Variants in NRG1 observed in about 807,000 individuals in gnomAD.
NRG1 encodes pro-neuregulin-1, membrane-bound isoform.
Under a neutral mutation model 63.8 loss-of-function variants are expected in NRG1, and 18 were observed. The observed-to-expected ratio is 0.28, with a 90% confidence interval of 0.19 to 0.42. The LOEUF is 0.42. Ranked by LOEUF, NRG1 falls within the 10% of genes least tolerant of loss-of-function variation. The probability of loss-of-function intolerance (pLI) is 1.00; values close to 1 mark genes in which losing one functional copy is unlikely to be tolerated. For synonymous variants in NRG1, 302 were observed against 301.3 expected, an observed-to-expected ratio of 1.00 and a Z score of -0.02; for missense variants, 762 against 814.7, an observed-to-expected ratio of 0.94 and a Z score of 0.79.
intron 1 of NRG1, among the ~76,000 whole-genome samples, chr8:32,481,204 A>G (rs1204465234): frequency 6.6e-6 from 1 of 151,802 alleles, no homozygotes; most frequent in Non-Finnish European, 1.5e-5. Flanking sequence ...TTAGCTGGGT[A>G]TGTGGGGGGT....
intron 1 of NRG1, among the ~76,000 whole-genome samples, chr8:31,725,705 T>G (rs2131328073): frequency 6.6e-6 from 1 of 152,302 alleles, no homozygotes; most frequent in South Asian, 2.1e-4. Flanking sequence ...CATTTTAAGT[T>G]TTTTCTTTTG....
At chr8:32,262,922 C>A (rs1036671404) in intron 1 of NRG1, among the ~76,000 whole-genome samples, 5 of 152,096 alleles carry the variant, frequency 3.3e-5, no homozygotes, top group African/African-American at 1.2e-4. Context: ...TCATACCATC[C>A]CTTTATCTAA....
rs534189440 is a variant in NRG1 at position 32,482,552 on chromosome 8, T to C, written c.38-113276T>C. Among the ~76,000 whole-genome samples, 6 of 152,294 alleles carry C rather than the reference T, an allele frequency of 3.9e-5. No individual in the cohort carries two copies. In the South Asian group the frequency reaches 1.2e-3, roughly 32 times the overall value. ...ATCCAGGCTGGGATCTCAGTATCCC[T>C]GCTTCCCTGAAGCTGTCCAACCTCA... On this transcript the variant is annotated intron_variant, in intron 1 of 10. Coordinates refer to the NRG1 transcript ENST00000519301.
intron 1 of NRG1, among the ~76,000 whole-genome samples, chr8:31,949,147 G>A (rs402169): frequency 0.9 from 137,457 of 152,260 alleles, 62,887 homozygotes; most frequent in African/African-American, 0.98. Flanking sequence ...AGTAGTTACT[G>A]TGTCAGGCAG....
At chr8:32,029,310 A>T (rs918852559) in intron 1 of NRG1, 3 of 152,176 alleles carry the variant, frequency 2.0e-5, no homozygotes, top group Non-Finnish European at 4.4e-5. Context: ...ATATATTCTT[A>T]TTATAAAAAG....
At chr8:31,832,469 G>C (rs1348931257) in intron 1 of NRG1, among the ~76,000 whole-genome samples, 1 of 152,006 alleles carries the variant, frequency 6.6e-6, no homozygotes, top group Non-Finnish European at 1.5e-5. Flanking sequence ...ATGTTGTCCA[G>C]GCTGGTCTCA....
At chr8:32,562,059 A>G (rs1447106461) in intron 1 of NRG1, among the ~76,000 whole-genome samples, 1 of 152,166 alleles carries the variant, frequency 6.6e-6, no homozygotes, top group Non-Finnish European at 1.5e-5. Flanking sequence ...TACAGATTAT[A>G]GCAGGGAGGA....
At chr8:32,040,776 A>ATAT (rs1819900674) in intron 1 of NRG1, among the ~76,000 whole-genome samples, 1 of 11,702 alleles carries the variant, frequency 8.5e-5, no homozygotes, top group Admixed American at 1.3e-3. Flanking sequence ...TATGCGCCTA[A>ATAT]ATTTCAGCAC....
rs111665734 is a variant in NRG1, at chr8:31,888,493, A to G, written c.37+249062A>G. Among the ~76,000 whole-genome samples the G allele has an allele frequency of 5.4e-3, 826 of 152,196 alleles. 5 individuals are homozygous for G. Among genetic ancestry groups the G allele is most frequent in the African/African-American group, 0.019 (769 of 41,540 alleles). ...TATGTTTCTGAGAGAGCAGTGATGC[A>G]TTTCACAACACTGTTAACTGTCTGC... is the stretch of plus-strand genomic sequence containing the variant. On this transcript the variant is annotated intron_variant, in intron 1 of 10. Coordinates refer to the NRG1 transcript ENST00000519301.
intron 1 of NRG1, among the ~76,000 whole-genome samples, chr8:32,278,642 A>G (rs1365966709): frequency 6.6e-6 from 1 of 152,204 alleles, no homozygotes; most frequent in Non-Finnish European, 1.5e-5. Context: ...GAAGAGTCCT[A>G]TGTATGGACA....
intron 1 of NRG1, among the ~76,000 whole-genome samples, chr8:31,734,895 C>T (rs1160232009): frequency 1.3e-5 from 2 of 152,160 alleles, no homozygotes; most frequent in Non-Finnish European, 2.9e-5. Context: ...CTCTTTCCTG[C>T]TTCCAGCCAT....
At chr8:32,441,930 G>A (rs1219741360) in intron 1 of NRG1, among the ~76,000 whole-genome samples, 1 of 152,090 alleles carries the variant, frequency 6.6e-6, no homozygotes, top group Non-Finnish European at 1.5e-5. Flanking sequence ...CAGAATTGAT[G>A]TGAGAATTCA....
intron 1 of NRG1, among the ~76,000 whole-genome samples, chr8:32,447,318 T>C (rs10090023): frequency 0.42 from 63,941 of 151,468 alleles, 14,237 homozygotes; most frequent in East Asian, 0.79. Context: ...CCACCTTGCT[T>C]GGCCCTAAAA....
At chr8:32,097,767 TG>T (rs1830072715) in intron 1 of NRG1, among the ~76,000 whole-genome samples, 1 of 152,298 alleles carries the variant, frequency 6.6e-6, no homozygotes, top group South Asian at 2.1e-4. Flanking sequence ...CTTAAGTAAC[TG>T]AATAAATGGG....
At chr8:31,967,954 A>G (rs1274646638) in intron 1 of NRG1, among the ~76,000 whole-genome samples, 1 of 152,122 alleles carries the variant, frequency 6.6e-6, no homozygotes, top group African/African-American at 2.4e-5. Flanking sequence ...CCCCAGGCCC[A>G]CCTTCTGGAG....
chr8:31,929,237 A>T (rs893275484), intron 1 of NRG1, among the ~76,000 whole-genome samples: 1 of 152,204 alleles, frequency 6.6e-6, no homozygotes, highest in African/African-American at 2.4e-5. Flanking sequence ...AGGTTAAAAC[A>T]TGTTATTTTA....
chr8:31,903,234 T>C (rs1427413236), intron 1 of NRG1, among the ~76,000 whole-genome samples: 2 of 147,272 alleles, frequency 1.4e-5, no homozygotes, highest in Non-Finnish European at 3.0e-5. Flanking sequence ...CTGCAAGCTC[T>C]GCCTCCCGGG....
At chr8:31,883,697 G>C (rs139414685) in intron 1 of NRG1, among the ~76,000 whole-genome samples, 4 of 152,226 alleles carry the variant, frequency 2.6e-5, no homozygotes, top group Admixed American at 2.0e-4. Context: ...CTGCTGTTCA[G>C]TTGGTTGGAG....
chr8:32,436,839 A>T (rs1292050783), intron 1 of NRG1, among the ~76,000 whole-genome samples: 7 of 152,054 alleles, frequency 4.6e-5, no homozygotes, highest in African/African-American at 1.7e-4. Flanking sequence ...TTTAAAGATA[A>T]AGATGTCAGT....
Sources: allele counts gnomAD v4.1 joint callset (sites outside exome capture counted in the v4.1 genomes callset), GRCh38; gene constraint gnomAD v4.1.1; transcripts MANE v1.5; gene names NCBI Gene and HGNC (gene_info 2026-07-23, HGNC 2026-07-21).